Variants in LMCD1 observed in about 807,000 individuals in gnomAD.
LMCD1 encodes LIM and cysteine-rich domains protein 1.
LMCD1 carries 32 observed loss-of-function variants against 42.7 expected under a neutral mutation model. That is an observed-to-expected ratio of 0.75 (90% CI 0.57 to 1.01). The LOEUF is 1.01. LMCD1 is among the 50% of genes least tolerant of loss of function. LMCD1 has a pLI of 0.00. For missense variants in LMCD1, 458 were observed against 483.1 expected (o/e 0.95, Z 0.49); for synonymous variants, 178 against 184.9 (o/e 0.96, Z 0.30).
At chr3:8,548,362 A>G (rs1264827321) in intron 3 of LMCD1, among the ~76,000 whole-genome samples, 1 of 152,206 alleles carries the variant, frequency 6.6e-6, no homozygotes, top group African/African-American at 2.4e-5. Flanking sequence ...ATTTGTCACA[A>G]TGGACAGTAT....
intron 4 of LMCD1, among the ~76,000 whole-genome samples, chr3:8,549,177 G>A (rs1694795616): frequency 6.6e-6 from 1 of 152,174 alleles, no homozygotes; most frequent in South Asian, 2.1e-4. Context: ...GCTTGGTGGT[G>A]AGGGTAAGCT....
At chr3:8,513,974 A>AGCTG (rs1694050267) in intron 1 of LMCD1, among the ~76,000 whole-genome samples, 1 of 152,178 alleles carries the variant, frequency 6.6e-6, no homozygotes, top group Non-Finnish European at 1.5e-5. Context: ...CTCAGCTAAG[A>AGCTG]GCTGACACCA....
At chr3:8,565,856 A>G (rs946082800) in intron 5 of LMCD1, among the ~76,000 whole-genome samples, 8 of 152,250 alleles carry the variant, frequency 5.3e-5, no homozygotes, top group Non-Finnish European at 7.3e-5. Context: ...GGTCAGACAC[A>G]GTGCCGGTGA....
intron 3 of LMCD1, among the ~76,000 whole-genome samples, chr3:8,539,768 C>T (rs993647985): frequency 6.6e-6 from 1 of 151,088 alleles, no homozygotes; most frequent in African/African-American, 2.4e-5. Flanking sequence ...TGGACAACTC[C>T]CCCTTCCCAC....
intron 1 of LMCD1, among the ~76,000 whole-genome samples, chr3:8,516,904 A>C (rs1214806603): frequency 6.6e-6 from 1 of 152,210 alleles, no homozygotes; most frequent in Non-Finnish European, 1.5e-5. Flanking sequence ...GTGAAGATAA[A>C]ATAGAGGCCT....
intron 4 of LMCD1, among the ~76,000 whole-genome samples, chr3:8,553,871 G>A (rs145846170): frequency 1.3e-5 from 2 of 152,258 alleles, no homozygotes; most frequent in East Asian, 1.9e-4. Flanking sequence ...CTGAAGAAGC[G>A]AGCCCTTTTC....
intron 4 of LMCD1, among the ~76,000 whole-genome samples, chr3:8,562,394 C>A (rs1435938610): frequency 1.3e-5 from 2 of 152,166 alleles, no homozygotes; most frequent in Non-Finnish European, 2.9e-5. Flanking sequence ...TCAGACAATT[C>A]CCTGAGTTTA....
chr3:8,517,250 G>T (rs1454307056), intron 1 of LMCD1, among the ~76,000 whole-genome samples: 4 of 152,100 alleles, frequency 2.6e-5, no homozygotes, highest in Non-Finnish European at 5.9e-5. Context: ...CATACACTTT[G>T]TTTTATGCAC....
At chr3:8,550,512 C>G in intron 4 of LMCD1, 2 of 985,022 alleles carry the variant, frequency 2.0e-6, no homozygotes, top group Non-Finnish European at 2.4e-6. Flanking sequence ...CCTGCATCCT[C>G]CATCTCCAAG....
At chr3:8,549,888 C>T (rs568059684) in intron 4 of LMCD1, 21 of 752,176 alleles carry the variant, frequency 2.8e-5, no homozygotes, top group African/African-American at 2.2e-4. Flanking sequence ...CAGTCCCACT[C>T]GTGTGATAAC....
intron 4 of LMCD1, among the ~76,000 whole-genome samples, chr3:8,562,314 C>T (rs868680221): frequency 4.6e-5 from 7 of 152,200 alleles, no homozygotes; most frequent in Non-Finnish European, 8.8e-5. Flanking sequence ...CTGCTTCTCA[C>T]CTCTAGCCAT....
At chr3:8,532,111 C>A (rs991119379) in intron 1 of LMCD1, among the ~76,000 whole-genome samples, 1 of 152,202 alleles carries the variant, frequency 6.6e-6, no homozygotes, top group African/African-American at 2.4e-5. Context: ...GGTTTAAACA[C>A]CTCAGCAGCA....
At chr3:8,550,267 C>T in intron 4 of LMCD1, 2 of 1,049,504 alleles carry the variant, frequency 1.9e-6, no homozygotes, top group Non-Finnish European at 2.3e-6. Flanking sequence ...TTACCTTTTG[C>T]TCCTCCTGCC....
intron 1 of LMCD1, among the ~76,000 whole-genome samples, chr3:8,515,921 G>A (rs187272063): frequency 3.3e-5 from 5 of 152,074 alleles, no homozygotes; most frequent in African/African-American, 1.2e-4. Flanking sequence ...TGGGGGGAGT[G>A]GGGAGGAGAC....
At chr3:8,531,669 A>G (rs1283325427) in intron 1 of LMCD1, among the ~76,000 whole-genome samples, 1 of 152,200 alleles carries the variant, frequency 6.6e-6, no homozygotes, top group Non-Finnish European at 1.5e-5. Flanking sequence ...CCCTTACAGG[A>G]GCAGGAGATG....
Position 8,567,476 on chromosome 3 carries a change from C to G in LMCD1, c.976C>G (p.Leu326Val). ...TGAGGACTACCAGCGTGTGGAAGAT[C>G]TGGCCTGGCACCGAAAGCACTTTGT... ...FAEDYQRVEDLAWHRKHFVCE... is the reference protein window; with the variant it reads ...FAEDYQRVEDVAWHRKHFVCE... The change falls in exon 6 of 6, where the codon CTG becomes GTG. Residue 326 changes from leucine to valine, a missense_variant. Transcript: ENST00000157600. The G allele has an allele frequency of 6.2e-7, 1 of 1,614,092 alleles. No individual in the cohort carries two copies. The highest frequency in any genetic ancestry group is 1.3e-5 in the African/African-American group (1 of 75,018).
At chr3:8,559,827 G>A (rs1694997855) in intron 4 of LMCD1, among the ~76,000 whole-genome samples, 1 of 152,216 alleles carries the variant, frequency 6.6e-6, no homozygotes, top group African/African-American at 2.4e-5. Flanking sequence ...CACATGTTGA[G>A]AGGGCTCCTT....
intron 1 of LMCD1, among the ~76,000 whole-genome samples, chr3:8,513,693 C>T (rs1326406744): frequency 2.0e-5 from 3 of 152,122 alleles, no homozygotes; most frequent in African/African-American, 7.2e-5. Flanking sequence ...ATATCAAAAA[C>T]TTTTAAAAAT....
At chr3:8,506,794 G>T (rs2125009041) in intron 1 of LMCD1, among the ~76,000 whole-genome samples, 1 of 152,294 alleles carries the variant, frequency 6.6e-6, no homozygotes, top group South Asian at 2.1e-4. Flanking sequence ...TACTCACTGG[G>T]TGACTTTGGA....
Sources: allele counts gnomAD v4.1 joint callset (sites outside exome capture counted in the v4.1 genomes callset), GRCh38; gene constraint gnomAD v4.1.1; transcripts MANE v1.5; gene names NCBI Gene and HGNC (gene_info 2026-07-23, HGNC 2026-07-21).